Variants in FAR1 observed in about 807,000 individuals in gnomAD.
FAR1 encodes the protein male sterility domain-containing protein 2.
A neutral mutation model predicts 61.1 loss-of-function variants in FAR1; 22 were observed. The observed-to-expected ratio is 0.36, with a 90% CI of 0.26 to 0.51. The LOEUF (loss-of-function observed/expected upper bound fraction) is 0.51, where lower values mean the gene tolerates loss of function less well. FAR1 is among the 20% of genes least tolerant of loss of function. FAR1 has a pLI of 0.95. For missense variants in FAR1, 359 were observed against 626.9 expected (o/e 0.57, Z 4.56); for synonymous variants, 206 against 209.7 (o/e 0.98, Z 0.15).
chr11:13,674,486 C>T (rs938590739), intron 1 of FAR1, among the ~76,000 whole-genome samples: 5 of 152,048 alleles, frequency 3.3e-5, no homozygotes, highest in East Asian at 1.9e-4. Flanking sequence ...ATTTTAAGCC[C>T]GTCTTCCTTG....
intron 2 of FAR1, among the ~76,000 whole-genome samples, chr11:13,697,113 T>C (rs765723403): frequency 7.1e-4 from 108 of 152,208 alleles, no homozygotes; most frequent in Non-Finnish European, 1.1e-3. Flanking sequence ...CCATGACTTA[T>C]GGGAATGTCT....
At chr11:13,695,192 T>C (rs2134180309) in intron 2 of FAR1, among the ~76,000 whole-genome samples, 1 of 152,288 alleles carries the variant, frequency 6.6e-6, no homozygotes, top group Non-Finnish European at 1.5e-5. Context: ...AAATTACCTT[T>C]ATGGTAGGTA....
chr11:13,715,623 T>TG (rs1331416432), intron 9 of FAR1, among the ~76,000 whole-genome samples: 1 of 152,114 alleles, frequency 6.6e-6, no homozygotes, highest in African/African-American at 2.4e-5. Flanking sequence ...GGCATAGTTA[T>TG]GAAAAAAAAG....
intron 3 of FAR1, 142 bp downstream of exon 3, chr11:13,700,634 A>G: frequency 2.2e-6 from 1 of 444,568 alleles, no homozygotes; most frequent in Non-Finnish European, 3.8e-6. Context: ...AGTGTCCTAC[A>G]GAGTGTTAAA....
chr11:13,675,200 T>C (rs1181802650), intron 1 of FAR1, among the ~76,000 whole-genome samples: 1 of 152,150 alleles, frequency 6.6e-6, no homozygotes, highest in African/African-American at 2.4e-5. Flanking sequence ...AAATTAGATA[T>C]AGTAAGCTAC....
chr11:13,708,445 GCGCACACA>G (rs1393167660), intron 4 of FAR1, among the ~76,000 whole-genome samples: 9 of 81,224 alleles, frequency 1.1e-4, no homozygotes, highest in African/African-American at 3.4e-4. Flanking sequence ...GCGCGCGCGC[GCGCACACA>G]CACACACACA....
chr11:13,728,655 C>T lies in FAR1; in HGVS notation c.1429C>T (p.Leu477Phe). The T allele has an allele frequency of 6.2e-7, 1 of 1,612,166 alleles. No individual in the cohort carries two copies. Among genetic ancestry groups the T allele is most frequent in the Non-Finnish European group, 8.5e-7 (1 of 1,178,642 alleles). Residue 477 changes from leucine (L) to phenylalanine (F), a missense_variant, in exon 12 of 12, where the codon CTC (leucine) becomes TTC (phenylalanine). This residue lies in a region of FAR1 where 15 missense variants were observed against 56.5 expected (regional missense o/e 0.27). Coordinates refer to ENST00000354817, the MANE Select transcript of FAR1 (RefSeq NM_032228.6). ...TGGTTTTAATACTATCCTTGTGATC[C>T]TCATCTGGCGCATTTTTATTGCAAG... is the stretch of plus-strand genomic sequence containing the variant. ...RYGFNTILVI[L>F]IWRIFIARSQ...
At chr11:13,673,354 A>G (rs1268369171) in intron 1 of FAR1, among the ~76,000 whole-genome samples, 9 of 152,186 alleles carry the variant, frequency 5.9e-5, no homozygotes, top group African/African-American at 2.2e-4. Flanking sequence ...TCCTTCAACA[A>G]ATTACCACAT....
At chr11:13,695,346 C>T (rs1307704250) in intron 2 of FAR1, among the ~76,000 whole-genome samples, 1 of 151,994 alleles carries the variant, frequency 6.6e-6, no homozygotes, top group African/African-American at 2.4e-5. Flanking sequence ...TTATAAACAC[C>T]ACTTACTCCC....
At chr11:13,708,480 C>CACACACACACACA (rs1250984773) in intron 4 of FAR1, among the ~76,000 whole-genome samples, 1 of 124,604 alleles carries the variant, frequency 8.0e-6, no homozygotes, top group African/African-American at 2.8e-5. Flanking sequence ...CACACACATA[C>CACACACACACACA]ATTTATCTCT....
intron 9 of FAR1, chr11:13,715,740 C>A (rs1484088328): frequency 6.6e-6 from 1 of 152,106 alleles, no homozygotes; most frequent in Non-Finnish European, 1.5e-5. Flanking sequence ...CTTTACCACA[C>A]AATTACAGTG....
intron 9 of FAR1, among the ~76,000 whole-genome samples, chr11:13,718,383 A>G (rs1026061431): frequency 5.9e-5 from 9 of 152,098 alleles, no homozygotes; most frequent in Admixed American, 1.3e-4. Context: ...CATTGAGTTT[A>G]TTAGTACACT....
chr11:13,713,095 GT>G, intron 8 of FAR1, 62 bp downstream of exon 8: 1 of 1,453,050 alleles, frequency 6.9e-7, no homozygotes, highest in Non-Finnish European at 9.7e-7. Flanking sequence ...GTTCCCTGAA[GT>G]TTTAATGTTA....
chr11:13,675,508 T>G (rs1848058706), intron 1 of FAR1, among the ~76,000 whole-genome samples: 1 of 152,234 alleles, frequency 6.6e-6, no homozygotes, highest in South Asian at 2.1e-4. Context: ...CAACATGTAA[T>G]TGGCATACTG....
rs1486111513 is a variant in FAR1 at position 13,674,536 on chromosome 11, G to A, written c.-8+5730G>A. Among the ~76,000 whole-genome samples the A allele has an allele frequency of 3.9e-5, 6 of 152,102 alleles. No homozygotes were observed. The East Asian group carries it at 1.2e-3, about 29-fold the overall frequency. ...CTTCTTTCTAATTAAAAACATAGAT[G>A]CCCTAGATGCCTTTCTTAAAAACTG... On this transcript the variant is annotated intron_variant, in intron 1 of 11. Transcript: ENST00000354817.
chr11:13,726,119 ATTG>A (rs1474229383), intron 10 of FAR1, among the ~76,000 whole-genome samples: 1 of 151,938 alleles, frequency 6.6e-6, no homozygotes, highest in Non-Finnish European at 1.5e-5. Flanking sequence ...TGTATCTGTT[ATTG>A]TTGTTATTAG....
At chr11:13,702,032 G>C (rs1159608560) in intron 3 of FAR1, among the ~76,000 whole-genome samples, 1 of 152,042 alleles carries the variant, frequency 6.6e-6, no homozygotes, top group East Asian at 1.9e-4. Context: ...GGAAATTTAA[G>C]TGATGTCTCA....
intron 1 of FAR1, chr11:13,669,602 T>A (rs1158039092): frequency 2.0e-5 from 3 of 152,264 alleles, no homozygotes; most frequent in African/African-American, 7.2e-5. Context: ...GCAAGAACAG[T>A]TGTCTGATTC....
intron 9 of FAR1, among the ~76,000 whole-genome samples, chr11:13,717,868 G>T (rs1370425363): frequency 2.0e-5 from 3 of 152,084 alleles, no homozygotes; most frequent in Non-Finnish European, 4.4e-5. Context: ...GCTGACCCTT[G>T]ATATAGCAGT....
Sources: allele counts gnomAD v4.1 joint callset (sites outside exome capture counted in the v4.1 genomes callset), GRCh38; gene constraint gnomAD v4.1.1; regional missense constraint gnomAD v4.1.1; transcripts MANE v1.5; gene names NCBI Gene and HGNC (gene_info 2026-07-23, HGNC 2026-07-21).